ZFYVE28: variants seen among roughly 807,000 people sequenced by gnomAD.
ZFYVE28 encodes the protein lateral signaling target protein 2 homolog.
Under a neutral mutation model 82.1 loss-of-function variants are expected in ZFYVE28, and 40 were observed. That is an observed-to-expected ratio of 0.49 (90% CI 0.38 to 0.63). The LOEUF (loss-of-function observed/expected upper bound fraction) is 0.63. Ranked by LOEUF, ZFYVE28 falls within the 30% of genes least tolerant of loss-of-function variation. The pLI, the probability that ZFYVE28 is intolerant of heterozygous loss-of-function variation, is 0.00. For synonymous variants in ZFYVE28, 612 were observed against 546.1 expected, an observed-to-expected ratio of 1.12 and a Z score of -1.68; for missense variants, 1,321 against 1,242.1, an observed-to-expected ratio of 1.06 and a Z score of -0.96.
chr4:2,418,525 G>C lies in ZFYVE28; in HGVS notation c.-202C>G, dbSNP rs971613060. The C allele has an allele frequency of 1.0e-5, 2 of 190,914 alleles. No individual in the cohort carries two copies. The highest frequency in any genetic ancestry group is 4.8e-5 in the African/African-American group (2 of 41,804). The allele number at this position is 190,914 out of a possible 1,614,324, so 11.8% of individuals were successfully genotyped here. A position where few individuals can be genotyped will look rare whatever the true frequency, so the allele number is the denominator to read the frequency against. On this transcript the variant is annotated 5_prime_UTR_variant, in exon 1 of 13. Coordinates refer to ENST00000290974, the MANE Select transcript of ZFYVE28 (RefSeq NM_020972.3). This position sits in a 1 kb window ranked among gnomAD's most constrained non-coding sequence, Gnocchi z 4.6. ...AGGTGCGCGGCCCTGAGTATGCTCT[G>C]CAAGCGGCGCGCCGGGCAGACCTCA...
intron 7 of ZFYVE28, among the ~76,000 whole-genome samples, chr4:2,308,269 G>A (rs148841332): frequency 2.6e-5 from 4 of 152,176 alleles, no homozygotes; most frequent in African/African-American, 9.6e-5. Context: ...ATAGGCATAA[G>A]CCACTGTGCC....
intron 2 of ZFYVE28, among the ~76,000 whole-genome samples, chr4:2,351,209 C>G (rs1413623926): frequency 6.6e-6 from 1 of 152,072 alleles, no homozygotes; most frequent in Non-Finnish European, 1.5e-5. Context: ...AGGACCCCCA[C>G]TGCTGTCCCC....
intron 6 of ZFYVE28, chr4:2,331,065 G>A (rs865954109): frequency 8.3e-7 from 1 of 1,211,600 alleles, no homozygotes; most frequent in African/African-American, 1.6e-5. Flanking sequence ...AGGAAGGCAG[G>A]GGTAGACGCT....
chr4:2,366,817 C>T (rs1475270084), intron 1 of ZFYVE28, among the ~76,000 whole-genome samples: 1 of 152,230 alleles, frequency 6.6e-6, no homozygotes, highest in Non-Finnish European at 1.5e-5. Flanking sequence ...GATGAGGCAT[C>T]CCCTATCATG....
intron 7 of ZFYVE28, among the ~76,000 whole-genome samples, chr4:2,316,732 G>T (rs559338249): frequency 6.1e-4 from 91 of 149,538 alleles, no homozygotes; most frequent in African/African-American, 2.1e-3. Flanking sequence ...TCGCTCTGTA[G>T]CCCAGGCTGG....
rs1220480554 is a variant in ZFYVE28, at chr4:2,339,904, T to G, written c.319-249A>C. 2.6e-4 allele frequency among the ~76,000 whole-genome samples: 19 copies of G among 72,914 alleles called. No homozygotes were observed. The highest frequency in any genetic ancestry group is 7.0e-4 in the African/African-American group (13 of 18,606). The allele number at this position is 72,914 out of a possible 152,430, so 47.8% of individuals were successfully genotyped here. On this transcript the variant is annotated intron_variant, in intron 3 of 12. Coordinates refer to ENST00000290974, the MANE Select transcript of ZFYVE28 (RefSeq NM_020972.3). The surrounding 1 kb of genome is among the most constrained non-coding windows in gnomAD (Gnocchi z 5.0). ...CCCCAGGAGCAGGGAGGGCAGGGCATGGCAGGGCAGGTAAGGGCAGGGGAG... is the reference window on the plus strand; with the variant it reads ...CCCCAGGAGCAGGGAGGGCAGGGCAGGGCAGGGCAGGTAAGGGCAGGGGAG...
intron 9 of ZFYVE28, among the ~76,000 whole-genome samples, chr4:2,273,495 G>C (rs1348439298): frequency 1.3e-5 from 2 of 152,210 alleles, no homozygotes; most frequent in Non-Finnish European, 2.9e-5. Flanking sequence ...GAGATCAGGG[G>C]AAGGGAGACG....
At position 2,339,348 on chromosome 4, in the gene ZFYVE28, C is replaced by T. The variant is rs1462384609; in HGVS notation, c.521+105G>A. Reference sequence around the variant, plus strand: ...CGGCCCTGAACCTGCCTGGCTCCTCCCTCTGTGGAATTTTCCAGCTTGAAG... The same window carrying T: ...CGGCCCTGAACCTGCCTGGCTCCTCTCTCTGTGGAATTTTCCAGCTTGAAG... On this transcript the variant is annotated intron_variant, in intron 4 of 12. Coordinates refer to ENST00000290974, the MANE Select transcript of ZFYVE28 (RefSeq NM_020972.3). The surrounding 1 kb of genome is among the most constrained non-coding windows in gnomAD (Gnocchi z 5.0). The T allele has an allele frequency of 1.5e-6, 2 of 1,351,234 alleles. No individual in the cohort carries two copies. The highest frequency in any genetic ancestry group is 2.2e-5 in the Admixed American group (1 of 46,374). 83.7% of individuals were successfully genotyped at this position (1,351,234 alleles called of 1,614,324 possible).
rs1054756754 is a variant in ZFYVE28 at position 2,376,867 on chromosome 4, A to G, written c.40-22794T>C. On this transcript the variant is annotated intron_variant, in intron 1 of 12. Coordinates refer to ENST00000290974, the MANE Select transcript of ZFYVE28 (RefSeq NM_020972.3). ...CTTGAGCCCAGGAGGTTTAGGCTGC[A>G]GTGAGCCAAGATTGCACCACTGTAC... Among the ~76,000 whole-genome samples, 14 of 152,210 alleles carry G rather than the reference A, an allele frequency of 9.2e-5. No individual in the cohort carries two copies. The East Asian group carries it at 9.7e-4, about 11-fold the overall frequency.
intron 1 of ZFYVE28, chr4:2,364,741 A>C: frequency 1.0e-6 from 1 of 985,526 alleles, no homozygotes; most frequent in Non-Finnish European, 1.2e-6. Context: ...GGTGATGAGC[A>C]TAACGTTGTG....
intron 7 of ZFYVE28, among the ~76,000 whole-genome samples, chr4:2,319,365 A>G (rs1171168888): frequency 1.3e-5 from 2 of 152,174 alleles, no homozygotes; most frequent in Admixed American, 6.5e-5. Context: ...CCACCTGCCA[A>G]GGCCCCAAGA....
chr4:2,299,696 C>T (rs1343616400), intron 8 of ZFYVE28, among the ~76,000 whole-genome samples: 1 of 129,520 alleles, frequency 7.7e-6, no homozygotes, highest in Non-Finnish European at 1.7e-5. Flanking sequence ...AAAGAGAATC[C>T]AAGAGGCAGA....
At chr4:2,347,631 T>C (rs940099903) in intron 2 of ZFYVE28, among the ~76,000 whole-genome samples, 1 of 152,150 alleles carries the variant, frequency 6.6e-6, no homozygotes, top group South Asian at 2.1e-4. Context: ...GAAAAATCCA[T>C]AAATATTTGA....
At position 2,304,673 on chromosome 4, in the gene ZFYVE28, G is replaced by A. The variant is rs1716243588; in HGVS notation, c.1667C>T (p.Ala556Val). The change falls in exon 8 of 13, where the codon GCC (alanine) becomes GTC (valine). Residue 556 changes from alanine to valine, a missense_variant. Physicochemically the swap from Ala to Val is moderately conservative, Grantham distance 64. This residue lies in a region of ZFYVE28 where 978 missense variants were observed against 833.7 expected (regional missense o/e 1.17). Transcript: ENST00000290974. The part of the protein sequence containing the change: ...DGGPHKLSTG[A>V]TNCLLHSCVC... The stretch of plus-strand genomic sequence containing the variant: ...GCAGGAATGCAGAAGGCAGTTGGTG[G>A]CCCCAGTGCTAAGCTTGTGGGGGCC... 6 of 1,612,594 alleles carry A rather than the reference G, an allele frequency of 3.7e-6. No homozygotes were observed. Among genetic ancestry groups the A allele is most frequent in the South Asian group, 1.1e-5 (1 of 91,066 alleles).
At position 2,273,235 on chromosome 4, in the gene ZFYVE28, T is replaced by C; in HGVS notation, c.2261A>G (p.Lys754Arg). The change falls in exon 10 of 13, where the codon AAA becomes AGA. Residue 754 changes from lysine (K) to arginine (R), a missense_variant. Lys to Arg is a conservative substitution (Grantham distance 26, BLOSUM62 2). Around this residue, in one of 2 missense-constraint regions of ZFYVE28, gnomAD observed 978 missense variants for 833.7 expected, o/e 1.17. Transcript: ENST00000290974. ...NYASDLRSIL[K>R]TLFEVMATKP... ...GGTGGCCATGACCTCAAACAGTGTT[T>C]TAAGAATACTTCTCAGGTCACTGGC... The C allele has an allele frequency of 6.2e-7, 1 of 1,613,836 alleles. No individual in the cohort carries two copies. Among genetic ancestry groups the C allele is most frequent in the Non-Finnish European group, 8.5e-7 (1 of 1,179,918 alleles).
At chr4:2,301,015 A>T (rs1715432151) in intron 8 of ZFYVE28, among the ~76,000 whole-genome samples, 1 of 152,200 alleles carries the variant, frequency 6.6e-6, no homozygotes, top group Non-Finnish European at 1.5e-5. Flanking sequence ...CCGGCCTCGC[A>T]CAAACGTCAC....
At chr4:2,319,455 T>A (rs1718721370) in intron 7 of ZFYVE28, among the ~76,000 whole-genome samples, 2 of 152,140 alleles carry the variant, frequency 1.3e-5, no homozygotes, top group Admixed American at 1.3e-4. Flanking sequence ...TCACAGCACC[T>A]CTGGCCCTCA....
At chr4:2,383,925 G>A (rs545371871) in intron 1 of ZFYVE28, among the ~76,000 whole-genome samples, 2 of 152,264 alleles carry the variant, frequency 1.3e-5, no homozygotes, top group Admixed American at 1.3e-4. Context: ...AAATGAGGTC[G>A]TCACACAGGG....
chr4:2,350,732 C>T (rs1055384039), intron 2 of ZFYVE28, among the ~76,000 whole-genome samples: 9 of 152,224 alleles, frequency 5.9e-5, no homozygotes, highest in African/African-American at 2.2e-4. Flanking sequence ...TTCTCACCAA[C>T]AGCCAATGAT....
Sources: gnomAD v4.1 joint callset for allele counts (sites outside exome capture counted in the v4.1 genomes callset) on GRCh38, gnomAD v4.1.1 for gene constraint, gnomAD v4.1.1 regional missense constraint, Gnocchi (gnomAD v3.1) non-coding constraint, MANE v1.5 for transcripts, NCBI Gene and HGNC (gene_info 2026-07-23, HGNC 2026-07-21) for gene names.